Variants in ADAMTS16 observed in about 807,000 individuals in gnomAD.
ADAMTS16 encodes A disintegrin and metalloproteinase with thrombospondin motifs 16.
Under a neutral mutation model 145.8 loss-of-function variants are expected in ADAMTS16, and 94 were observed. That is an observed-to-expected ratio of 0.64 (90% CI 0.55 to 0.77). The LOEUF (loss-of-function observed/expected upper bound fraction) is 0.77, where lower values mean the gene tolerates loss of function less well. Ranked by LOEUF, ADAMTS16 falls within the 30% of genes least tolerant of loss-of-function variation. ADAMTS16 has a pLI of 0.00. For missense variants in ADAMTS16, 1,585 were observed against 1,591.5 expected (o/e 1.00, Z 0.07); for synonymous variants, 659 against 604.3 (o/e 1.09, Z -1.33).
chr5:5,159,979 AGTT>A (rs934850237), intron 3 of ADAMTS16, among the ~76,000 whole-genome samples: 3 of 152,226 alleles, frequency 2.0e-5, no homozygotes, highest in Admixed American at 2.0e-4. Flanking sequence ...AAGATGGGGG[AGTT>A]GTTACTATTC....
rs554215858 is a variant in ADAMTS16, at chr5:5,288,087, C to G, written c.2790-15181C>G. On this transcript the variant is annotated intron_variant, in intron 18 of 22. Coordinates refer to ENST00000274181, the MANE Select transcript of ADAMTS16 (RefSeq NM_139056.4). ...GAAACTAGAGGAGGAAGGAGGCCAT[C>G]ATTTTAAAATCCTTGTCATAAAAGG... Among the ~76,000 whole-genome samples, 5 of 152,268 alleles carry G rather than the reference C, an allele frequency of 3.3e-5. No homozygotes were observed. The East Asian group carries it at 7.7e-4, about 24-fold the overall frequency.
chr5:5,224,578 C>T (rs13154760), intron 11 of ADAMTS16, among the ~76,000 whole-genome samples: 467 of 152,110 alleles, frequency 3.1e-3, no homozygotes, highest in Middle Eastern at 0.027. Context: ...TGTGAGCCAC[C>T]ACATCCGGCC....
rs1333947114 is a variant in ADAMTS16 at position 5,172,381 on chromosome 5, T to C, written c.502-9663T>C. On this transcript the variant is annotated intron_variant, in intron 3 of 22. Transcript: ENST00000274181. ...TCTACTTTATTGATGTAGGCAGTTA[T>C]ACCTATAAACTTTTCTTTTAGTATG... Among the ~76,000 whole-genome samples, 3 of 152,062 alleles carry C rather than the reference T, an allele frequency of 2.0e-5. No homozygotes were observed. The East Asian group carries it at 5.8e-4, about 29-fold the overall frequency.
At chr5:5,251,865 T>C (rs183984958) in intron 17 of ADAMTS16, among the ~76,000 whole-genome samples, 2 of 152,220 alleles carry the variant, frequency 1.3e-5, no homozygotes, top group African/African-American at 4.8e-5. Flanking sequence ...GCTTTTTTTT[T>C]CTTTTTTTTG....
intron 9 of ADAMTS16, among the ~76,000 whole-genome samples, chr5:5,200,624 T>G (rs989951239): frequency 1.3e-5 from 2 of 152,236 alleles, no homozygotes; most frequent in African/African-American, 4.8e-5. Context: ...CACATCTGTA[T>G]ACACAATAAT....
intron 9 of ADAMTS16, among the ~76,000 whole-genome samples, chr5:5,207,384 A>G (rs1736156687): frequency 6.6e-6 from 1 of 152,176 alleles, no homozygotes; most frequent in Non-Finnish European, 1.5e-5. Flanking sequence ...TTTGCATATT[A>G]AGCTTTTATC....
intron 17 of ADAMTS16, among the ~76,000 whole-genome samples, chr5:5,251,524 C>G (rs1737622380): frequency 6.6e-6 from 1 of 152,202 alleles, no homozygotes; most frequent in Non-Finnish European, 1.5e-5. Context: ...TTCTAAAAGT[C>G]TAAAACCTTT....
intron 21 of ADAMTS16, among the ~76,000 whole-genome samples, chr5:5,316,417 GC>G (rs1734060506): frequency 2.0e-5 from 3 of 152,082 alleles, no homozygotes; most frequent in African/African-American, 7.2e-5. Flanking sequence ...TCCAACCCTA[GC>G]CTCGTTTGAG....
chr5:5,268,891 A>G (rs1738360045), intron 18 of ADAMTS16, among the ~76,000 whole-genome samples: 1 of 152,068 alleles, frequency 6.6e-6, no homozygotes, highest in Admixed American at 6.6e-5. Flanking sequence ...GAGGTAGTCG[A>G]GCCTGGTGAC....
intron 9 of ADAMTS16, among the ~76,000 whole-genome samples, chr5:5,201,200 C>T (rs767150103): frequency 9.2e-5 from 14 of 152,090 alleles, no homozygotes; most frequent in Middle Eastern, 3.4e-3. Flanking sequence ...GGAGGGTGTG[C>T]GGGACAAGGG....
chr5:5,251,053 G>A lies in ADAMTS16; in HGVS notation c.2662+8862G>A, dbSNP rs951993748. 5.3e-5 allele frequency among the ~76,000 whole-genome samples: 8 copies of A among 152,244 alleles called. No homozygotes were observed. In the East Asian group the frequency reaches 1.4e-3, roughly 26 times the overall value. On this transcript the variant is annotated intron_variant, in intron 17 of 22. Transcript: ENST00000274181. ...TCCTTGAGCCAAGCCTGCCCGGGGC[G>A]TCAGCAAGACAGGATATCCACCTTC...
chr5:5,207,449 A>C (rs1237795158), intron 9 of ADAMTS16, among the ~76,000 whole-genome samples: 1 of 152,142 alleles, frequency 6.6e-6, no homozygotes, highest in Non-Finnish European at 1.5e-5. Context: ...GATTCTTTCA[A>C]ATTTCTACCT....
chr5:5,311,292 G>T (rs1740418403), intron 21 of ADAMTS16, among the ~76,000 whole-genome samples: 1 of 92,564 alleles, frequency 1.1e-5, no homozygotes, highest in Non-Finnish European at 2.0e-5. Flanking sequence ...AGGCGAGTTT[G>T]ACATAGGCAA....
chr5:5,222,558 A>G (rs964096249), intron 10 of ADAMTS16, among the ~76,000 whole-genome samples: 2 of 152,216 alleles, frequency 1.3e-5, no homozygotes, highest in Admixed American at 6.5e-5. Flanking sequence ...TGTTAAAAAG[A>G]TAATATATAA....
At chr5:5,309,931 G>A (rs952572310) in intron 21 of ADAMTS16, among the ~76,000 whole-genome samples, 2 of 151,894 alleles carry the variant, frequency 1.3e-5, no homozygotes, top group Non-Finnish European at 2.9e-5. Context: ...ATAAACAGTC[G>A]TGCACAGTTC....
At chr5:5,273,785 A>G (rs1350590068) in intron 18 of ADAMTS16, among the ~76,000 whole-genome samples, 4 of 152,240 alleles carry the variant, frequency 2.6e-5, no homozygotes, top group South Asian at 2.1e-4. Flanking sequence ...AGTGATAACT[A>G]TAGACAAACA....
chr5:5,175,934 C>T (rs1465059931), intron 3 of ADAMTS16: 1 of 152,310 alleles, frequency 6.6e-6, no homozygotes, highest in Non-Finnish European at 1.5e-5. Context: ...CTACCCTCCT[C>T]AGAGCCTCAA....
At chr5:5,215,592 T>A (rs559029345) in intron 10 of ADAMTS16, among the ~76,000 whole-genome samples, 1 of 151,840 alleles carries the variant, frequency 6.6e-6, no homozygotes, top group African/African-American at 2.4e-5. Context: ...AATATTTGAT[T>A]TTCCATTCCT....
At chr5:5,255,359 T>TG (rs1179737179) in intron 17 of ADAMTS16, among the ~76,000 whole-genome samples, 2 of 152,240 alleles carry the variant, frequency 1.3e-5, no homozygotes, top group African/African-American at 4.8e-5. Flanking sequence ...ACAGAGGATT[T>TG]GTTGTTTACA....
Sources: allele counts gnomAD v4.1 joint callset (sites outside exome capture counted in the v4.1 genomes callset), GRCh38; gene constraint gnomAD v4.1.1; transcripts MANE v1.5; gene names NCBI Gene and HGNC (gene_info 2026-07-23, HGNC 2026-07-21).